GNG4: variants seen among roughly 807,000 people sequenced by gnomAD.
The protein encoded by GNG4 is guanine nucleotide-binding protein G(I)/G(S)/G(O) subunit gamma-4.
Under a neutral mutation model 5.8 loss-of-function variants are expected in GNG4, and 4 were observed. That is an observed-to-expected ratio of 0.69 (90% CI 0.34 to 1.57). The LOEUF (loss-of-function observed/expected upper bound fraction) is 1.57, where lower values mean the gene tolerates loss of function less well. Ranked by LOEUF, GNG4 falls within the 40% of genes most tolerant of loss-of-function variation. GNG4 has a pLI of 0.06. For synonymous variants in GNG4, 29 were observed against 32.9 expected (o/e 0.88, Z 0.41); for missense variants, 96 against 95.1 (o/e 1.01, Z -0.04).
intron 2 of GNG4, among the ~76,000 whole-genome samples, chr1:235,587,467 G>GT (rs1431819878): frequency 5.1e-5 from 1 of 19,750 alleles, no homozygotes; most frequent in Non-Finnish European, 8.4e-5. Flanking sequence ...CAGGGTGGGG[G>GT]GTGAGTGTGA....
chr1:235,634,652 T>G (rs758274088), intron 1 of GNG4, among the ~76,000 whole-genome samples: 3 of 152,172 alleles, frequency 2.0e-5, no homozygotes, highest in African/African-American at 4.8e-5. Context: ...AAGGCTGCCT[T>G]CCTTTGCTGG....
chr1:235,609,535 A>G (rs1688432617), intron 1 of GNG4, among the ~76,000 whole-genome samples: 1 of 152,128 alleles, frequency 6.6e-6, no homozygotes, highest in African/African-American at 2.4e-5. Context: ...GGCATCATTT[A>G]CTTTAAAAAA....
At chr1:235,618,851 T>C (rs533534034) in intron 1 of GNG4, among the ~76,000 whole-genome samples, 3 of 151,678 alleles carry the variant, frequency 2.0e-5, no homozygotes, top group East Asian at 2.0e-4. Context: ...AGACGGGGTT[T>C]CACCATGTTG....
At chr1:235,581,510 G>A (rs551273268) in intron 3 of GNG4, among the ~76,000 whole-genome samples, 3 of 150,588 alleles carry the variant, frequency 2.0e-5, no homozygotes, top group East Asian at 3.9e-4. Flanking sequence ...GCGAGACTCC[G>A]TCTCAAAAAA....
intron 3 of GNG4, among the ~76,000 whole-genome samples, chr1:235,564,804 G>GC (rs1041793857): frequency 1.5e-4 from 23 of 152,218 alleles, no homozygotes; most frequent in Middle Eastern, 3.4e-3. Flanking sequence ...TTCTGCCTCA[G>GC]CCCCCCGAGT....
In GNG4 at chr1:235,640,893, C is replaced by T. The variant is rs551907784; in HGVS notation, c.-123+8769G>A. ...CTGGATGGGTGGAGCACCCACAAAA[C>T]AGCCAGGCTGTGAAGAGGCCCACTT... is the stretch of plus-strand genomic sequence containing the variant. On this transcript the variant is annotated intron_variant, in intron 1 of 3. Coordinates refer to ENST00000391854, the MANE Select transcript of GNG4 (RefSeq NM_001098722.2). Among the ~76,000 whole-genome samples the T allele has an allele frequency of 1.6e-4, 25 of 152,372 alleles. No homozygotes were observed. In the South Asian group the frequency reaches 3.5e-3, roughly 21 times the overall value.
chr1:235,573,529 A>G (rs546906903), intron 3 of GNG4, among the ~76,000 whole-genome samples: 24 of 152,160 alleles, frequency 1.6e-4, no homozygotes, highest in East Asian at 9.7e-4. Flanking sequence ...TGTAATCCCA[A>G]CACTTTGGGA....
rs1558483022 is a variant in GNG4 at position 235,580,749 on chromosome 1, T to TTG, written c.99+2990_99+2991insCA. Among the ~76,000 whole-genome samples, 8 of 145,800 alleles carry TTG rather than the reference T, an allele frequency of 5.5e-5. 1 individual carries two copies. The highest frequency in any genetic ancestry group is 2.3e-4 in the South Asian group (1 of 4,418). ...ATGGCGGCCTATCCCGTTTTTTGTTTTTTTTTTTTTTTTTTTCCTGAGATG... is the reference window on the plus strand; with the variant it reads ...ATGGCGGCCTATCCCGTTTTTTGTTTTGTTTTTTTTTTTTTTTTCCTGAGATG... On this transcript the variant is annotated intron_variant, in intron 3 of 3. Transcript: ENST00000391854.
In GNG4 at chr1:235,547,807, A is replaced by C. The variant is rs1281187119; in HGVS notation, c.*4302T>G. 6.6e-6 allele frequency: 1 copy of C among 152,226 alleles called. No homozygotes were observed. Among genetic ancestry groups the C allele is most frequent in the Non-Finnish European group, 1.5e-5 (1 of 68,070 alleles). The allele number at this position is 152,226 out of a possible 1,614,324, so 9.4% of individuals were successfully genotyped here. A position where few individuals can be genotyped will look rare whatever the true frequency, so the allele number is the denominator to read the frequency against. ...GAAAGCACCCAGGTAACCGGCAACC[A>C]GATCAAGAAACAGAACACCCCAGAA... On this transcript the variant is annotated 3_prime_UTR_variant, in exon 4 of 4. Coordinates refer to ENST00000391854, the MANE Select transcript of GNG4 (RefSeq NM_001098722.2).
intron 1 of GNG4, among the ~76,000 whole-genome samples, chr1:235,640,945 G>A (rs1452613787): frequency 2.6e-5 from 4 of 152,232 alleles, no homozygotes; most frequent in Non-Finnish European, 4.4e-5. Context: ...TGCTTCTTGC[G>A]TGTCATTTTG....
chr1:235,615,190 G>A (rs1688563404), intron 1 of GNG4: 1 of 152,184 alleles, frequency 6.6e-6, no homozygotes, highest in Non-Finnish European at 1.5e-5. Flanking sequence ...CAATTACCAT[G>A]GATTATCACA....
At position 235,587,919 on chromosome 1, in the gene GNG4, A is replaced by AGTGTTAAGTGTAC. The variant is rs71174444; in HGVS notation, c.-10-4072_-10-4071insGTACACTTAACAC. On this transcript the variant is annotated intron_variant, in intron 2 of 3. Coordinates refer to ENST00000391854, the MANE Select transcript of GNG4 (RefSeq NM_001098722.2). ...TCTGGAGTGTGAGTGTGTGGGTATAAGTGTGAGTCCTTGAGGATGTGTGCA... is the reference window on the plus strand; with the variant it reads ...TCTGGAGTGTGAGTGTGTGGGTATAAGTGTTAAGTGTACGTGTGAGTCCTTGAGGATGTGTGCA... 2.0e-4 allele frequency among the ~76,000 whole-genome samples: 30 copies of AGTGTTAAGTGTAC among 150,016 alleles called. No homozygotes were observed. The East Asian group carries it at 6.1e-3, about 31-fold the overall frequency.
At chr1:235,621,340 G>A (rs1433709729) in intron 1 of GNG4, among the ~76,000 whole-genome samples, 2 of 138,498 alleles carry the variant, frequency 1.4e-5, no homozygotes, top group Non-Finnish European at 3.0e-5. Flanking sequence ...CACCCAGGCT[G>A]GAGTGCAGTG....
chr1:235,582,455 T>C (rs1687662277), intron 3 of GNG4, among the ~76,000 whole-genome samples: 1 of 152,226 alleles, frequency 6.6e-6, no homozygotes, highest in African/African-American at 2.4e-5. Flanking sequence ...CCCTGAGCCA[T>C]ACGGAGGAGA....
chr1:235,556,527 C>T (rs1686911533), intron 3 of GNG4, among the ~76,000 whole-genome samples: 1 of 144,154 alleles, frequency 6.9e-6, no homozygotes, highest in Non-Finnish European at 1.5e-5. Flanking sequence ...CACTGCACTC[C>T]AGCCTGGCGA....
Position 235,649,084 on chromosome 1 carries a change from G to C in GNG4, c.-123+578C>G, listed in dbSNP as rs747542260. On this transcript the variant is annotated intron_variant, in intron 1 of 3. Coordinates refer to ENST00000391854, the MANE Select transcript of GNG4 (RefSeq NM_001098722.2). The surrounding 1 kb of genome is among the most constrained non-coding windows in gnomAD (Gnocchi z 5.7). ...ACATTTCAGTTCAGCACCAGCCTCG[G>C]GGACAGACGCCATCAAGGAGGTGAG... 3.9e-5 allele frequency among the ~76,000 whole-genome samples: 6 copies of C among 152,138 alleles called. No homozygotes were observed. Among genetic ancestry groups the C allele is most frequent in the Non-Finnish European group, 7.4e-5 (5 of 68,026 alleles).
Position 235,618,949 on chromosome 1 carries a change from C to T in GNG4, c.-122-23438G>A, listed in dbSNP as rs1389808401. 4.6e-5 allele frequency among the ~76,000 whole-genome samples: 7 copies of T among 151,100 alleles called. No individual in the cohort carries two copies. The South Asian group carries it at 8.4e-4, about 18-fold the overall frequency. On this transcript the variant is annotated intron_variant, in intron 1 of 3. Transcript: ENST00000391854. ...GGGATTATAGGCGTGAGCCACTGCA[C>T]GCCGCCAGTGAGTTTTTCATCTTCT...
intron 2 of GNG4, chr1:235,588,939 T>C (rs1687893603): frequency 6.6e-6 from 1 of 152,330 alleles, no homozygotes. Flanking sequence ...GCTCCCGACT[T>C]GCTGCCCTGC....
At chr1:235,621,910 C>T (rs1369287339) in intron 1 of GNG4, among the ~76,000 whole-genome samples, 1 of 152,088 alleles carries the variant, frequency 6.6e-6, no homozygotes, top group African/African-American at 2.4e-5. Flanking sequence ...CTCCAAGGTT[C>T]AAGCCATCCT....
Sources: gnomAD v4.1 joint callset for allele counts (sites outside exome capture counted in the v4.1 genomes callset) on GRCh38, gnomAD v4.1.1 for gene constraint, Gnocchi (gnomAD v3.1) non-coding constraint, MANE v1.5 for transcripts, NCBI Gene and HGNC (gene_info 2026-07-23, HGNC 2026-07-21) for gene names.